CLEC2A: variants seen among roughly 807,000 people sequenced by gnomAD.
The protein encoded by CLEC2A is C-type lectin domain family 2 member A.
In CLEC2A, 19 loss-of-function variants were observed where a neutral mutation model predicts 18.6. The observed-to-expected ratio is 1.02, with a 90% CI of 0.71 to 1.50. The LOEUF (loss-of-function observed/expected upper bound fraction) is 1.50. Ranked by LOEUF, CLEC2A falls within the 40% of genes most tolerant of loss-of-function variation. The probability of loss-of-function intolerance (pLI) is 0.00; values close to 1 mark genes in which losing one functional copy is unlikely to be tolerated. For missense variants in CLEC2A, 190 were observed against 207.9 expected (o/e 0.91, Z 0.53); for synonymous variants, 74 against 64.0 (o/e 1.16, Z -0.75).
rs12301973 is a variant in CLEC2A, at chr12:9,920,384, G to T, written c.306+1682C>A. On this transcript the variant is annotated intron_variant, in intron 3 of 4. Coordinates refer to ENST00000455827, the MANE Select transcript of CLEC2A (RefSeq NM_001130711.2). Reference sequence around the variant, plus strand: ...CTTAGCTCTGTGTGTCAGACTGAAGGCCCCGGTGGAGTTGGTTTACAAGGG... The same window carrying T: ...CTTAGCTCTGTGTGTCAGACTGAAGTCCCCGGTGGAGTTGGTTTACAAGGG... Among the ~76,000 whole-genome samples, 591 of 152,272 alleles carry T rather than the reference G, an allele frequency of 3.9e-3. 6 individuals are homozygous for T. The highest frequency in any genetic ancestry group is 0.013 in the African/African-American group (552 of 41,546).
intron 3 of CLEC2A, among the ~76,000 whole-genome samples, chr12:9,918,382 C>T (rs1591792608): frequency 6.6e-6 from 1 of 152,108 alleles, no homozygotes; most frequent in East Asian, 1.9e-4. Context: ...TTGTTTTTGT[C>T]AGCTTTGTCA....
rs58602579 is a variant in CLEC2A, at chr12:9,915,734, G to A, written c.410+966C>T. Among the ~76,000 whole-genome samples the A allele has an allele frequency of 2.5e-3, 374 of 152,248 alleles. 3 individuals carry two copies. Among genetic ancestry groups the A allele is most frequent in the African/African-American group, 8.8e-3 (367 of 41,550 alleles). ...GGAGAAAGGGGAGGAAGAGCATTAGGACAAACAGCTAATGCATGTGGAGCT... is the reference window on the plus strand; with the variant it reads ...GGAGAAAGGGGAGGAAGAGCATTAGAACAAACAGCTAATGCATGTGGAGCT... On this transcript the variant is annotated intron_variant, in intron 4 of 4. Coordinates refer to ENST00000455827, the MANE Select transcript of CLEC2A (RefSeq NM_001130711.2).
At chr12:9,902,376 G>A (rs1262855701) in intron 4 of CLEC2A, among the ~76,000 whole-genome samples, 5 of 151,942 alleles carry the variant, frequency 3.3e-5, no homozygotes, top group African/African-American at 1.2e-4. Context: ...GGAATTACAG[G>A]TGTGCACCAT....
intron 4 of CLEC2A, among the ~76,000 whole-genome samples, chr12:9,915,922 TTATAAG>T (rs143825290): frequency 3.9e-5 from 6 of 152,262 alleles, no homozygotes; most frequent in Non-Finnish European, 7.4e-5. Flanking sequence ...CTTTCCTTAT[TTATAAG>T]TATAATTTGT....
Position 9,904,380 on chromosome 12 carries a change from C to T in CLEC2A, c.411-5404G>A, listed in dbSNP as rs151213717. ...ATTTAGGCCTCTGGCCTGCAGTGCA[C>T]GCAAGTGTAACAATCGTTTTTGTTT... On this transcript the variant is annotated intron_variant, in intron 4 of 4. Transcript: ENST00000339766. Among the ~76,000 whole-genome samples, 46 of 152,236 alleles carry T rather than the reference C, an allele frequency of 3.0e-4. 1 individual carries two copies. In the East Asian group the frequency reaches 5.0e-3, roughly 17 times the overall value.
downstream of CLEC2A, among the ~76,000 whole-genome samples, chr12:9,894,696 T>C (rs180959036): frequency 3.3e-5 from 5 of 152,294 alleles, no homozygotes; most frequent in African/African-American, 1.2e-4. Context: ...CATAGTTCAT[T>C]TCAGTTCAGA....
At chr12:9,885,680 A>G in the CLEC2A span, among the ~76,000 whole-genome samples, 1 of 152,024 alleles carries the variant, frequency 6.6e-6, no homozygotes, top group South Asian at 2.1e-4. Flanking sequence ...GTTTTTCCCA[A>G]TACAACAAGG....
intron 4 of CLEC2A, among the ~76,000 whole-genome samples, chr12:9,908,117 G>A (rs967113824): frequency 2.6e-5 from 4 of 152,152 alleles, no homozygotes; most frequent in Non-Finnish European, 5.9e-5. Context: ...AGCTTATTCT[G>A]CCTTCTAGGG....
intron 1 of CLEC2A, among the ~76,000 whole-genome samples, chr12:9,929,311 A>G (rs1249891863): frequency 3.3e-5 from 5 of 152,182 alleles, no homozygotes; most frequent in Non-Finnish European, 7.4e-5. Context: ...ATTGCTAAAC[A>G]GTAGTAGTTA....
downstream of CLEC2A, among the ~76,000 whole-genome samples, chr12:9,910,797 T>C (rs1049761489): frequency 2.6e-5 from 4 of 152,172 alleles, no homozygotes; most frequent in African/African-American, 9.7e-5. Flanking sequence ...GGGGAGGTCC[T>C]GATCCCTTTC....
the CLEC2A span, among the ~76,000 whole-genome samples, chr12:9,889,811 CA>C: frequency 6.6e-6 from 1 of 151,942 alleles, no homozygotes; most frequent in Non-Finnish European, 1.5e-5. Context: ...ACTAAGCTAA[CA>C]GAGTTAGAGT....
intron 4 of CLEC2A, 66 bp downstream of exon 4, chr12:9,916,632 CAA>C: frequency 9.6e-7 from 1 of 1,037,320 alleles, no homozygotes; most frequent in Non-Finnish European, 1.5e-6. Flanking sequence ...TAATACAACT[CAA>C]AATGATTTAA....
chr12:9,902,538 G>A (rs1862846417), intron 4 of CLEC2A, among the ~76,000 whole-genome samples: 1 of 151,718 alleles, frequency 6.6e-6, no homozygotes, highest in Non-Finnish European at 1.5e-5. Context: ...CAGCTGGTTT[G>A]CCTTTTTAAT....
intron 4 of CLEC2A, among the ~76,000 whole-genome samples, chr12:9,915,239 T>C (rs1863052195): frequency 6.6e-6 from 1 of 152,146 alleles, no homozygotes; most frequent in East Asian, 1.9e-4. Flanking sequence ...TAGGAATGCT[T>C]ATACACTGCT....
At chr12:9,888,686 A>G in the CLEC2A span, 17 of 1,092,070 alleles carry the variant, frequency 1.6e-5, no homozygotes, top group Non-Finnish European at 2.1e-5. Flanking sequence ...CTAGATTGCT[A>G]TTGATTTTTA....
At chr12:9,900,454 C>T (rs1862809926) in intron 4 of CLEC2A, among the ~76,000 whole-genome samples, 1 of 151,928 alleles carries the variant, frequency 6.6e-6, no homozygotes, top group African/African-American at 2.4e-5. Flanking sequence ...TGAGTTTTTT[C>T]CAAAATAGAC....
At chr12:9,885,061 C>A in the CLEC2A span, 2 of 851,456 alleles carry the variant, frequency 2.3e-6, no homozygotes, top group Non-Finnish European at 3.2e-6. Context: ...TTTATTTGAA[C>A]ATTTTCAGAA....
intron 4 of CLEC2A, among the ~76,000 whole-genome samples, chr12:9,907,110 G>T (rs1483270685): frequency 6.6e-6 from 1 of 152,104 alleles, no homozygotes; most frequent in African/African-American, 2.4e-5. Context: ...ATGCATTCAG[G>T]CCACCCACTT....
intron 2 of CLEC2A, among the ~76,000 whole-genome samples, chr12:9,924,097 C>T (rs1863223075): frequency 6.6e-6 from 1 of 151,576 alleles, no homozygotes; most frequent in South Asian, 2.1e-4. Context: ...GCACATGTAC[C>T]CTAGAACTTA....
Sources: gnomAD v4.1 joint callset for allele counts (sites outside exome capture counted in the v4.1 genomes callset) on GRCh38, gnomAD v4.1.1 for gene constraint, MANE v1.5 for transcripts, NCBI Gene and HGNC (gene_info 2026-07-23, HGNC 2026-07-21) for gene names.